DMBT1: variants seen among roughly 807,000 people sequenced by gnomAD.
DMBT1 encodes scavenger receptor cysteine-rich domain-containing protein DMBT1.
Under a neutral mutation model 252.9 loss-of-function variants are expected in DMBT1, and 198 were observed. That is an observed-to-expected ratio of 0.78 (90% CI 0.70 to 0.88). The LOEUF (loss-of-function observed/expected upper bound fraction) is 0.88, where lower values mean the gene tolerates loss of function less well. Among genes scored for constraint, DMBT1 ranks in the 40% least tolerant of loss-of-function variants. The pLI, the probability that DMBT1 is intolerant of heterozygous loss-of-function variation, is 0.00. For missense variants in DMBT1, 2,432 were observed against 2,404.7 expected, an observed-to-expected ratio of 1.01 and a Z score of -0.24; for synonymous variants, 990 against 942.7, an observed-to-expected ratio of 1.05 and a Z score of -0.92.
rs753250312 is a variant in DMBT1 at position 122,586,343 on chromosome 10, T to G, written c.1743T>G (p.His581Gln). The G allele has an allele frequency of 6.3e-7, 1 of 1,588,720 alleles. No homozygotes were observed. Among genetic ancestry groups the G allele is most frequent in the South Asian group, 1.1e-5 (1 of 86,986 alleles). ...GCCCCCACAATGGCTGGCTCTCCCATAACTGTGGCCATAGTGAAGACGCTG... is the reference window on the plus strand; with the variant it reads ...GCCCCCACAATGGCTGGCTCTCCCAGAACTGTGGCCATAGTGAAGACGCTG... ...WSCPHNGWLS[H>Q]NCGHSEDAGV... is the part of the protein sequence containing the mutation. Residue 581 changes from histidine to glutamine, a missense_variant, in exon 16 of 56, where the codon CAT becomes CAG. By Grantham distance (24) the His-to-Gln change is conservative. Coordinates refer to ENST00000338354, the MANE Select transcript of DMBT1 (RefSeq NM_001377530.1).
At chr10:122,564,168 A>G (rs3019511) in intron 1 of DMBT1, among the ~76,000 whole-genome samples, 101,876 of 152,108 alleles carry the variant, frequency 0.67, 34,479 homozygotes, top group East Asian at 0.77. Flanking sequence ...GGAGCCCATC[A>G]TGGAGCTCAT....
intron 20 of DMBT1, 51 bp downstream of exon 20, chr10:122,592,646 G>A: frequency 1.3e-6 from 2 of 1,584,220 alleles, no homozygotes; most frequent in African/African-American, 1.3e-5. Flanking sequence ...GTTTGCTCAG[G>A]AAGAAAATCC....
chr10:122,578,042 G>T (rs1207300014), intron 8 of DMBT1, among the ~76,000 whole-genome samples: 1 of 152,186 alleles, frequency 6.6e-6, no homozygotes, highest in African/African-American at 2.4e-5. Context: ...GTCCATCTCA[G>T]CTTTCATCAC....
At chr10:122,633,692 C>T (rs2098185684) in intron 52 of DMBT1, among the ~76,000 whole-genome samples, 1 of 152,152 alleles carries the variant, frequency 6.6e-6, no homozygotes, top group Admixed American at 6.5e-5. Flanking sequence ...TTCCTCACCT[C>T]ACTGTTTACT....
intron 25 of DMBT1, 26 bp downstream of exon 25, chr10:122,598,038 A>G: frequency 1.2e-6 from 2 of 1,613,620 alleles, no homozygotes; most frequent in Non-Finnish European, 1.7e-6. Flanking sequence ...GCCCCTCCCT[A>G]GGGCTCACTC....
In DMBT1 at chr10:122,643,539, C is replaced by A; in HGVS notation, c.*141C>A. ...CTGGTCATACGGAGTTGAATCAGACCTGGTTCCCGCCTCCCCCAAGGCTCA... is the reference window on the plus strand; with the variant it reads ...CTGGTCATACGGAGTTGAATCAGACATGGTTCCCGCCTCCCCCAAGGCTCA... On this transcript the variant is annotated 3_prime_UTR_variant, in exon 56 of 56. Transcript: ENST00000338354. 8.2e-7 allele frequency: 1 copy of A among 1,225,926 alleles called. No individual in the cohort carries two copies. The highest frequency in any genetic ancestry group is 1.1e-6 in the Non-Finnish European group (1 of 900,614). The allele number at this position is 1,225,926 out of a possible 1,614,324, so 75.9% of individuals were successfully genotyped here.
intron 24 of DMBT1, among the ~76,000 whole-genome samples, 189 bp from the exon 25 acceptor site, chr10:122,597,785 G>A (rs1340635113): frequency 2.0e-5 from 3 of 152,184 alleles, no homozygotes; most frequent in Non-Finnish European, 2.9e-5. Flanking sequence ...GATCGAACTG[G>A]TCTCCAGCAA....
At chr10:122,642,972 C>A in intron 55 of DMBT1, 150 bp from the exon 56 acceptor site, 1 of 1,065,796 alleles carries the variant, frequency 9.4e-7, no homozygotes, top group Non-Finnish European at 1.4e-6. Context: ...CAGTGAGTGT[C>A]TGATCCACAC....
At chr10:122,561,030 T>A (rs2097541693) in intron 1 of DMBT1, among the ~76,000 whole-genome samples, 199 bp downstream of exon 1, 2 of 152,186 alleles carry the variant, frequency 1.3e-5, no homozygotes, top group Non-Finnish European at 2.9e-5. Flanking sequence ...ATATAAATGG[T>A]TGTAGTTAGA....
At chr10:122,630,586 C>A in intron 48 of DMBT1, 96 bp downstream of exon 48, 1 of 1,287,032 alleles carries the variant, frequency 7.8e-7, no homozygotes. Flanking sequence ...CAAAGAAGGG[C>A]CTCAGCGATG....
At position 122,619,391 on chromosome 10, in the gene DMBT1, C is replaced by T. The variant is rs903704664; in HGVS notation, c.5245+54C>T. 21 of 1,607,636 alleles carry T rather than the reference C, an allele frequency of 1.3e-5. No homozygotes were observed. In the South Asian group the frequency reaches 2.3e-4, roughly 18 times the overall value. ...GTCCCTTCTCTTTCTGCCCAGTTAC[C>T]TCTTCCCCACTCCACAGAGCTCTCC... On this transcript the variant is annotated intron_variant, in intron 42 of 55. Transcript: ENST00000338354.
intron 44 of DMBT1, among the ~76,000 whole-genome samples, chr10:122,622,692 A>G (rs1467536240): frequency 6.6e-6 from 1 of 152,106 alleles, no homozygotes; most frequent in East Asian, 1.9e-4. Flanking sequence ...AACCATCTCT[A>G]TTAGCTCTGA....
At chr10:122,623,088 C>T (rs989491946) in intron 44 of DMBT1, among the ~76,000 whole-genome samples, 10 of 152,208 alleles carry the variant, frequency 6.6e-5, no homozygotes, top group Non-Finnish European at 1.5e-4. Context: ...CCCCTGGCAA[C>T]CACTAATCTG....
chr10:122,565,374 G>A (rs1308390630), intron 1 of DMBT1, among the ~76,000 whole-genome samples: 1 of 152,038 alleles, frequency 6.6e-6, no homozygotes, highest in Non-Finnish European at 1.5e-5. Flanking sequence ...ATATATAAAA[G>A]TTGTTAAATA....
At chr10:122,579,943 T>C in intron 10 of DMBT1, 42 bp downstream of exon 10, 1 of 1,612,856 alleles carries the variant, frequency 6.2e-7, no homozygotes, top group Non-Finnish European at 8.5e-7. Flanking sequence ...TGGGGTGGAG[T>C]TTGCTCCAAA....
intron 7 of DMBT1, among the ~76,000 whole-genome samples, chr10:122,577,208 C>T (rs1423391344): frequency 1.3e-5 from 2 of 152,198 alleles, no homozygotes; most frequent in African/African-American, 4.8e-5. Flanking sequence ...AGGGACAGCA[C>T]GTTTTGGGGA....
At chr10:122,637,999 C>A (rs78631328) in intron 54 of DMBT1, among the ~76,000 whole-genome samples, 14,551 of 152,212 alleles carry the variant, frequency 0.096, 778 homozygotes, top group South Asian at 0.19. Context: ...CCCCTACCAC[C>A]GATTTCTGTG....
intron 9 of DMBT1, among the ~76,000 whole-genome samples, chr10:122,579,307 C>T (rs757796256): frequency 5.9e-5 from 9 of 152,132 alleles, no homozygotes; most frequent in Non-Finnish European, 1.0e-4. Context: ...GCTCCATCCT[C>T]TGTGTACCCA....
At chr10:122,641,936 TG>T (rs139834735) in intron 55 of DMBT1, among the ~76,000 whole-genome samples, 2,492 of 152,262 alleles carry the variant, frequency 0.016, 20 homozygotes, top group Non-Finnish European at 0.025. Context: ...CTGTTTGGCC[TG>T]GTGGGGCTTG....
Sources: allele counts gnomAD v4.1 joint callset (sites outside exome capture counted in the v4.1 genomes callset), GRCh38; gene constraint gnomAD v4.1.1; transcripts MANE v1.5; gene names NCBI Gene and HGNC (gene_info 2026-07-23, HGNC 2026-07-21).